TSPAN19: variants seen among roughly 807,000 people sequenced by gnomAD.
The protein encoded by TSPAN19 is tetraspanin 19.
A neutral mutation model predicts 35.1 loss-of-function variants in TSPAN19; 44 were observed. The observed-to-expected ratio is 1.25, with a 90% CI of 0.98 to 1.61. The LOEUF (loss-of-function observed/expected upper bound fraction) is 1.61, where lower values mean the gene tolerates loss of function less well. TSPAN19 is among the 40% of genes most tolerant of loss of function. TSPAN19 has a pLI of 0.00. For missense variants in TSPAN19, 290 were observed against 280.0 expected (o/e 1.04, Z -0.26); for synonymous variants, 79 against 92.0 (o/e 0.86, Z 0.81).
chr12:85,024,874 T>G (rs939646542), intron 4 of TSPAN19: 4 of 152,146 alleles, frequency 2.6e-5, no homozygotes, highest in African/African-American at 9.7e-5. Flanking sequence ...TTTACTGTAT[T>G]ATTTATTTAC....
Position 85,014,544 on chromosome 12 carries a change from G to A in TSPAN19, c.690C>T (p.Val230=). ...TTTTGAAGAAACAAACTGTTAATGA[G>A]ACTTGGAAAACCTGGAAGAAAAGGG... ...FGLLTSEVFQ[V]SLTVCFFKNI... Residue 230 remains valine (V), a synonymous_variant, in exon 9 of 9, where the codon GTC becomes GTT. Coordinates refer to ENST00000532498, the MANE Select transcript of TSPAN19 (RefSeq NM_001100917.2). 1.3e-6 allele frequency: 2 copies of A among 1,596,664 alleles called. No individual in the cohort carries two copies. The highest frequency in any genetic ancestry group is 1.7e-6 in the Non-Finnish European group (2 of 1,170,264).
intron 1 of TSPAN19, 40 bp downstream of exon 1, chr12:85,036,164 A>G (rs1013532277): frequency 5.1e-4 from 78 of 152,348 alleles, no homozygotes; most frequent in African/African-American, 1.8e-3. Context: ...ATTTCATTTT[A>G]TTAAGTATTT....
Position 85,017,507 on chromosome 12 carries a change from T to G in TSPAN19, c.543A>C (p.Ser181=). 1 of 1,607,920 alleles carries G rather than the reference T, an allele frequency of 6.2e-7. No homozygotes were observed. The highest frequency in any genetic ancestry group is 8.5e-7 in the Non-Finnish European group (1 of 1,176,746). ...CATCACAAAACCATTTTCTTAAAGT[T>G]GACTTTGTGCAAGAACATGGCACCT... ...SGQVPCSCTK[S]TLRKWFCDEP... The change falls in exon 7 of 9, where the codon TCA becomes TCC. Residue 181 remains serine, a synonymous_variant. Coordinates refer to ENST00000532498, the MANE Select transcript of TSPAN19 (RefSeq NM_001100917.2).
At chr12:85,017,360 T>C in intron 7 of TSPAN19, 96 bp downstream of exon 7, 1 of 1,142,084 alleles carries the variant, frequency 8.8e-7, no homozygotes, top group Non-Finnish European at 1.2e-6. Context: ...AACAACATTA[T>C]TTTTATATAA....
chr12:85,034,875 C>A (rs1565771995), intron 1 of TSPAN19, among the ~76,000 whole-genome samples: 1 of 152,014 alleles, frequency 6.6e-6, no homozygotes, highest in Non-Finnish European at 1.5e-5. Flanking sequence ...CACTGTTTTT[C>A]TTTTTTGCTG....
intron 6 of TSPAN19, 114 bp from the exon 7 acceptor site, chr12:85,017,713 T>A (rs899333450): frequency 9.6e-6 from 7 of 728,804 alleles, no homozygotes; most frequent in African/African-American, 7.3e-5. Flanking sequence ...TTTTTCCCCA[T>A]GAACATGTAA....
chr12:85,016,236 C>T (rs890914133), intron 7 of TSPAN19: 1 of 315,396 alleles, frequency 3.2e-6, no homozygotes, highest in Admixed American at 5.2e-5. Context: ...ATTTTCTCTT[C>T]TGCAGACTAT....
intron 1 of TSPAN19, among the ~76,000 whole-genome samples, chr12:85,030,429 C>T (rs1268156272): frequency 6.6e-6 from 1 of 151,994 alleles, no homozygotes; most frequent in Non-Finnish European, 1.5e-5. Flanking sequence ...ATGCCCTTCC[C>T]CTTTCTCAGA....
At chr12:85,020,981 G>A (rs1001759533) in intron 5 of TSPAN19, among the ~76,000 whole-genome samples, 31 of 151,972 alleles carry the variant, frequency 2.0e-4, no homozygotes, top group Admixed American at 2.0e-3. Flanking sequence ...ACACAAAAAT[G>A]ATCAGATTTG....
chr12:85,019,664 T>TA lies in TSPAN19; in HGVS notation c.411dup (p.Ile138TyrfsTer21). The TA allele has an allele frequency of 6.2e-7, 1 of 1,609,828 alleles. No individual in the cohort carries two copies. The highest frequency in any genetic ancestry group is 8.5e-7 in the Non-Finnish European group (1 of 1,177,458). ...GCATTCAGAATAGTCCACTTGGTTA[T>TA]ATCTTCAGGCTTATCTTTAGATCCA... On this transcript the variant is annotated frameshift_variant, in exon 6 of 9. Coordinates refer to ENST00000532498, the MANE Select transcript of TSPAN19 (RefSeq NM_001100917.2). LOFTEE classifies it high-confidence loss of function.
rs181720973 is a variant in TSPAN19, at chr12:85,020,404, T to G, written c.340-668A>C. Among the ~76,000 whole-genome samples, 46 of 152,114 alleles carry G rather than the reference T, an allele frequency of 3.0e-4. 1 individual carries two copies. The East Asian group carries it at 8.5e-3, about 28-fold the overall frequency. On this transcript the variant is annotated intron_variant, in intron 5 of 8. Transcript: ENST00000532498. ...AAGATGTTAAATAAAATAATTGACT[T>G]TTGAAATCTACTGTATATTTCTACA...
At chr12:85,017,856 T>C (rs1403195608) in intron 6 of TSPAN19, among the ~76,000 whole-genome samples, 1 of 151,858 alleles carries the variant, frequency 6.6e-6, no homozygotes. Flanking sequence ...ATCTGAATTT[T>C]ATCCAGGATA....
Position 85,018,990 on chromosome 12 carries a change from C to A in TSPAN19, c.450+636G>T, listed in dbSNP as rs113127851. ...CTATTTCTGTAAACCATTTAGCCGA[C>A]AATACCCTTCTCTTACCCTTCCACT... is the stretch of plus-strand genomic sequence containing the variant. On this transcript the variant is annotated intron_variant, in intron 6 of 8. Transcript: ENST00000532498. Among the ~76,000 whole-genome samples, 4 of 151,920 alleles carry A rather than the reference C, an allele frequency of 2.6e-5. 1 individual carries two copies. Among genetic ancestry groups the A allele is most frequent in the African/African-American group, 9.6e-5 (4 of 41,480 alleles).
chr12:85,015,746 A>AACTC (rs1200744408), intron 8 of TSPAN19, 142 bp downstream of exon 8: 1 of 570,398 alleles, frequency 1.8e-6, no homozygotes, highest in East Asian at 3.2e-5. Context: ...TCACCTGTAC[A>AACTC]ACTCTTGGAT....
At chr12:85,022,781 T>C (rs1877194073) in intron 5 of TSPAN19, among the ~76,000 whole-genome samples, 1 of 152,100 alleles carries the variant, frequency 6.6e-6, no homozygotes, top group Non-Finnish European at 1.5e-5. Flanking sequence ...AATAGGTAAG[T>C]TTTGTTGATC....
At chr12:85,015,865 T>C in intron 8 of TSPAN19, 23 bp downstream of exon 8, 4 of 1,508,130 alleles carry the variant, frequency 2.7e-6, no homozygotes, top group Non-Finnish European at 3.6e-6. Context: ...ATTTTTCATT[T>C]TAACATATGA....
At chr12:85,032,422 C>A (rs1366922560) in intron 1 of TSPAN19, among the ~76,000 whole-genome samples, 1 of 152,092 alleles carries the variant, frequency 6.6e-6, no homozygotes, top group African/African-American at 2.4e-5. Flanking sequence ...TAGAGAAAGA[C>A]AGTTCTAGAT....
chr12:85,035,525 T>C (rs1265787482), intron 1 of TSPAN19, among the ~76,000 whole-genome samples: 1 of 152,144 alleles, frequency 6.6e-6, no homozygotes, highest in Non-Finnish European at 1.5e-5. Flanking sequence ...AAGTTTATTG[T>C]TACCAGGAAA....
Position 85,014,536 on chromosome 12 carries a change from G to A in TSPAN19, c.698C>T (p.Thr233Ile), listed in dbSNP as rs771329402. Reference sequence around the variant, plus strand: ...CTTGATGTTTTTGAAGAAACAAACTGTTAATGAGACTTGGAAAACCTGGAA... The same window carrying A: ...CTTGATGTTTTTGAAGAAACAAACTATTAATGAGACTTGGAAAACCTGGAA... ...LTSEVFQVSL[T>I]VCFFKNIKNI... is the part of the protein sequence containing the mutation. Residue 233 changes from threonine (T) to isoleucine (I), a missense_variant, in exon 9 of 9, where the codon ACA (threonine) becomes ATA (isoleucine). Physicochemically the swap from Thr to Ile is moderately conservative, Grantham distance 89. Coordinates refer to ENST00000532498, the MANE Select transcript of TSPAN19 (RefSeq NM_001100917.2). 1.3e-6 allele frequency: 2 copies of A among 1,599,664 alleles called. No individual in the cohort carries two copies. The highest frequency in any genetic ancestry group is 8.5e-7 in the Non-Finnish European group (1 of 1,172,230).
Sources: allele counts gnomAD v4.1 joint callset (sites outside exome capture counted in the v4.1 genomes callset), GRCh38; gene constraint gnomAD v4.1.1; transcripts MANE v1.5; gene names NCBI Gene and HGNC (gene_info 2026-07-23, HGNC 2026-07-21).